The following UBE2E2 variants were observed in gnomAD, a reference collection of about 807,000 sequenced individuals.
UBE2E2 encodes the protein ubiquitin conjugating enzyme E2 E2.
A neutral mutation model predicts 24.7 loss-of-function variants in UBE2E2; 6 were observed. The ratio of observed to expected loss-of-function variants is 0.24; its 90% CI spans 0.13 to 0.48. The LOEUF (loss-of-function observed/expected upper bound fraction) is 0.48, where lower values mean the gene tolerates loss of function less well. Among genes scored for constraint, UBE2E2 ranks in the 20% least tolerant of loss-of-function variants. UBE2E2 has a pLI of 0.99. For synonymous variants in UBE2E2, 104 were observed against 83.6 expected, an observed-to-expected ratio of 1.24 and a Z score of -1.33; for missense variants, 169 against 245.0, an observed-to-expected ratio of 0.69 and a Z score of 2.07.
rs1697402716 is a variant in UBE2E2, at chr3:23,407,887, A to T, written c.228-91721A>T. Among the ~76,000 whole-genome samples, 1 of 152,010 alleles carries T rather than the reference A, an allele frequency of 6.6e-6. No homozygotes were observed. The highest frequency in any genetic ancestry group is 1.5e-5 in the Non-Finnish European group (1 of 68,014). ...GATTCTGTAATAGTCCTGTTTCAGT[A>T]ATTCTTAATTTGAAGTTTATAGAAA... On this transcript the variant is annotated intron_variant, in intron 3 of 5. Coordinates refer to ENST00000396703, the MANE Select transcript of UBE2E2 (RefSeq NM_152653.4). This position sits in a 1 kb window ranked among gnomAD's most constrained non-coding sequence, Gnocchi z 4.0.
At chr3:23,327,477 C>T (rs1423130272) in intron 3 of UBE2E2, among the ~76,000 whole-genome samples, 1 of 152,190 alleles carries the variant, frequency 6.6e-6, no homozygotes, top group East Asian at 1.9e-4. Context: ...CCCCTTTCCT[C>T]TCACCATCAT....
intron 2 of UBE2E2, among the ~76,000 whole-genome samples, chr3:23,214,830 C>A (rs773364122): frequency 4.6e-5 from 7 of 151,742 alleles, no homozygotes; most frequent in Admixed American, 1.3e-4. Flanking sequence ...CACCCCCTGC[C>A]CCTAGTTCTC....
intron 3 of UBE2E2, among the ~76,000 whole-genome samples, chr3:23,286,251 G>A (rs372761029): frequency 6.6e-6 from 1 of 152,274 alleles, no homozygotes; most frequent in South Asian, 2.1e-4. Context: ...TCTTTGCTCA[G>A]TCCAGTGTCC....
intron 4 of UBE2E2, among the ~76,000 whole-genome samples, chr3:23,530,260 T>C (rs1411811082): frequency 6.6e-6 from 1 of 152,222 alleles, no homozygotes; most frequent in Non-Finnish European, 1.5e-5. Context: ...CTCCCTTGAT[T>C]TTGTTTATCC....
At chr3:23,411,054 T>TA (rs1697484876) in intron 3 of UBE2E2, among the ~76,000 whole-genome samples, 1 of 152,156 alleles carries the variant, frequency 6.6e-6, no homozygotes, top group Non-Finnish European at 1.5e-5. Flanking sequence ...TGCAGAATAC[T>TA]ATAATGTGCT....
intron 3 of UBE2E2, among the ~76,000 whole-genome samples, chr3:23,402,128 A>G (rs886166495): frequency 5.3e-5 from 8 of 152,118 alleles, no homozygotes; most frequent in Admixed American, 3.9e-4. Context: ...TGCTGGGATT[A>G]CAGGCGTGAG....
intron 3 of UBE2E2, among the ~76,000 whole-genome samples, chr3:23,221,082 A>G (rs1227004663): frequency 6.6e-6 from 1 of 152,214 alleles, no homozygotes; most frequent in African/African-American, 2.4e-5. Flanking sequence ...CAGGGGAATG[A>G]CAGAGAATCC....
At chr3:23,288,330 T>C (rs747746533) in intron 3 of UBE2E2, among the ~76,000 whole-genome samples, 221 of 152,356 alleles carry the variant, frequency 1.5e-3, no homozygotes, top group Non-Finnish European at 2.4e-3. Flanking sequence ...TTTTGTGGCC[T>C]AATATATAGT....
chr3:23,587,561 G>A (rs946521321), intron 5 of UBE2E2, among the ~76,000 whole-genome samples: 2 of 152,148 alleles, frequency 1.3e-5, no homozygotes, highest in African/African-American at 2.4e-5. Flanking sequence ...GGATGCCCAC[G>A]TTTCACCCTA....
rs566122588 is a variant in UBE2E2, at chr3:23,405,377, C to T, written c.228-94231C>T. 2.6e-5 allele frequency among the ~76,000 whole-genome samples: 4 copies of T among 152,266 alleles called. No individual in the cohort carries two copies. The South Asian group carries it at 8.3e-4, about 32-fold the overall frequency. On this transcript the variant is annotated intron_variant, in intron 3 of 5. Coordinates refer to ENST00000396703, the MANE Select transcript of UBE2E2 (RefSeq NM_152653.4). ...ATGCTTTCATTTAGTCTTGAAGTCC[C>T]AGAGCTTGTTAGTGGCAGAGCCTGA...
intron 3 of UBE2E2, among the ~76,000 whole-genome samples, chr3:23,304,652 A>G (rs1699192741): frequency 2.0e-5 from 3 of 152,156 alleles, no homozygotes; most frequent in African/African-American, 7.2e-5. Context: ...GAATGTTTTA[A>G]TAGCTTTTTC....
chr3:23,246,073 C>T (rs1697388058), intron 3 of UBE2E2, among the ~76,000 whole-genome samples: 1 of 152,204 alleles, frequency 6.6e-6, no homozygotes, highest in South Asian at 2.1e-4. Context: ...ATGAGCTAGT[C>T]TTGTTCTATC....
intron 3 of UBE2E2, 64 bp downstream of exon 3, chr3:23,217,376 T>G: frequency 1.4e-6 from 2 of 1,420,690 alleles, no homozygotes; most frequent in Non-Finnish European, 2.0e-6. Flanking sequence ...AACTGTTGGT[T>G]TTATATGCAG....
chr3:23,381,561 C>T (rs1464142519), intron 3 of UBE2E2, among the ~76,000 whole-genome samples: 1 of 152,126 alleles, frequency 6.6e-6, no homozygotes, highest in Non-Finnish European at 1.5e-5. Flanking sequence ...CTCTGCTGGA[C>T]CTGTCTGCCA....
At chr3:23,269,762 G>A (rs897111535) in intron 3 of UBE2E2, among the ~76,000 whole-genome samples, 1 of 152,158 alleles carries the variant, frequency 6.6e-6, no homozygotes, top group Non-Finnish European at 1.5e-5. Context: ...GTAGAGTGCA[G>A]GAAGGCCATG....
chr3:23,230,747 T>C (rs1428023258), intron 3 of UBE2E2, among the ~76,000 whole-genome samples: 1 of 150,654 alleles, frequency 6.6e-6, no homozygotes, highest in Admixed American at 6.6e-5. Flanking sequence ...GATTGCACCA[T>C]TGCACCCTAG....
chr3:23,222,501 A>C (rs1028371134), intron 3 of UBE2E2, among the ~76,000 whole-genome samples: 3 of 152,238 alleles, frequency 2.0e-5, no homozygotes, highest in Admixed American at 1.3e-4. Context: ...TGTGGTAATG[A>C]ATAAGTCTCA....
intron 4 of UBE2E2, among the ~76,000 whole-genome samples, chr3:23,503,688 T>C (rs1184896496): frequency 3.9e-5 from 6 of 151,978 alleles, no homozygotes; most frequent in African/African-American, 1.4e-4. Context: ...ATCCCATCTC[T>C]ACTAAAAATA....
chr3:23,533,619 AT>A (rs759984741), intron 5 of UBE2E2, among the ~76,000 whole-genome samples: 2,989 of 108,314 alleles, frequency 0.028, 30 homozygotes, highest in African/African-American at 0.091. Flanking sequence ...GCAAATTAGT[AT>A]TTTTTTTTTT....
Sources: allele counts gnomAD v4.1 joint callset (sites outside exome capture counted in the v4.1 genomes callset), GRCh38; gene constraint gnomAD v4.1.1; non-coding constraint Gnocchi (gnomAD v3.1); transcripts MANE v1.5; gene names NCBI Gene and HGNC (gene_info 2026-07-23, HGNC 2026-07-21).